The following NXN variants were observed in gnomAD, a reference collection of about 807,000 sequenced individuals.
NXN encodes nucleoredoxin 1.
A neutral mutation model predicts 48.6 loss-of-function variants in NXN; 16 were observed. The ratio of observed to expected loss-of-function variants is 0.33; its 90% confidence interval spans 0.22 to 0.50. The LOEUF (loss-of-function observed/expected upper bound fraction) is 0.50. Among genes scored for constraint, NXN ranks in the 20% least tolerant of loss-of-function variants. The pLI, the probability that NXN is intolerant of heterozygous loss-of-function variation, is 0.98. For synonymous variants in NXN, 281 were observed against 269.6 expected, an observed-to-expected ratio of 1.04 and a Z score of -0.41; for missense variants, 492 against 605.5, an observed-to-expected ratio of 0.81 and a Z score of 1.97.
chr17:875,421 A>C (rs1344992257), intron 1 of NXN, among the ~76,000 whole-genome samples: 1 of 152,176 alleles, frequency 6.6e-6, no homozygotes, highest in Admixed American at 6.6e-5. Context: ...ACTCATAGAG[A>C]TAAGCCACTC....
Position 828,971 on chromosome 17 carries a change from T to C in NXN, c.361-2893A>G, listed in dbSNP as rs371813712. ...AACAGCAAAACCACACAAATTGGGA[T>C]TGAAAATTACCCATGACTCACCGCT... On this transcript the variant is annotated intron_variant, in intron 1 of 7. Transcript: ENST00000336868. Among the ~76,000 whole-genome samples the C allele has an allele frequency of 1.2e-4, 19 of 152,182 alleles. No individual in the cohort carries two copies. The East Asian group carries it at 2.9e-3, about 23-fold the overall frequency.
intron 7 of NXN, among the ~76,000 whole-genome samples, chr17:801,443 C>CTTTTTTTTTTTTTTTTTT (rs71371579): frequency 1.9e-5 from 2 of 104,316 alleles, no homozygotes; most frequent in African/African-American, 3.5e-5. Context: ...ATGTCACATT[C>CTTTTTTTTTTTTTTTTTT]TTTTTTTTTT....
chr17:879,203 G>A (rs2068255199), intron 1 of NXN, among the ~76,000 whole-genome samples: 1 of 151,972 alleles, frequency 6.6e-6, no homozygotes. Context: ...GAAGGAGAAG[G>A]AGAGAACAAA....
At chr17:880,269 G>A (rs2068269235) in intron 1 of NXN, among the ~76,000 whole-genome samples, 2 of 152,000 alleles carry the variant, frequency 1.3e-5, no homozygotes, top group Admixed American at 6.5e-5. Context: ...CGGGGGCGGA[G>A]GAGTGAGGGA....
intron 1 of NXN, among the ~76,000 whole-genome samples, chr17:911,426 G>A (rs1266202114): frequency 7.0e-6 from 1 of 142,102 alleles, no homozygotes; most frequent in Non-Finnish European, 1.5e-5. Context: ...TGCAAGCTCC[G>A]CCTCCCAGGT....
intron 1 of NXN, among the ~76,000 whole-genome samples, chr17:977,905 G>A (rs923358378): frequency 2.0e-5 from 3 of 152,214 alleles, no homozygotes; most frequent in African/African-American, 7.2e-5. Context: ...CAGTAAAAAT[G>A]CCAACTCTTG....
chr17:825,790 A>G lies in NXN; in HGVS notation c.478+171T>C, dbSNP rs372662436. 114 of 587,392 alleles carry G rather than the reference A, an allele frequency of 1.9e-4. No individual in the cohort carries two copies. The highest frequency in any genetic ancestry group is 1.4e-3 in the Middle Eastern group (3 of 2,142). The allele number at this position is 587,392 out of a possible 1,614,324, so 36.4% of individuals were successfully genotyped here. A position where few individuals can be genotyped will look rare whatever the true frequency, so the allele number is the denominator to read the frequency against. ...TGATCCCTGTGAAAATCTTAAAACC[A>G]TGTCCTAGGGAATACTATGATTTCA... On this transcript the variant is annotated intron_variant, in intron 2 of 7. Transcript: ENST00000336868. The surrounding 1 kb of genome is among the most constrained non-coding windows in gnomAD (Gnocchi z 4.1).
At chr17:815,504 G>A (rs971897095) in intron 5 of NXN, among the ~76,000 whole-genome samples, 8 of 140,278 alleles carry the variant, frequency 5.7e-5, no homozygotes, top group African/African-American at 2.1e-4. Flanking sequence ...CGTATGATGA[G>A]GGCGAGTGTC....
At position 800,883 on chromosome 17, in the gene NXN, G is replaced by A. The variant is rs766391743; in HGVS notation, c.*66C>T. On this transcript the variant is annotated 3_prime_UTR_variant, in exon 8 of 8. Transcript: ENST00000336868. ...GGGCACGCTGGGTAAGTCCAAGGGCGGAAGGAAGGAGGGGGAGGAGGAGAA... is the reference window on the plus strand; with the variant it reads ...GGGCACGCTGGGTAAGTCCAAGGGCAGAAGGAAGGAGGGGGAGGAGGAGAA... The A allele has an allele frequency of 5.0e-5, 60 of 1,196,034 alleles. No homozygotes were observed. Among genetic ancestry groups the A allele is most frequent in the Admixed American group, 3.3e-4 (11 of 32,896 alleles). The allele number at this position is 1,196,034 out of a possible 1,614,324, so 74.1% of individuals were successfully genotyped here.
At chr17:853,716 TATA>T (rs1316067484) in intron 1 of NXN, among the ~76,000 whole-genome samples, 25 of 94,336 alleles carry the variant, frequency 2.7e-4, no homozygotes, top group Non-Finnish European at 4.2e-4. Flanking sequence ...TATATATATA[TATA>T]TATATTTTTT....
intron 1 of NXN, among the ~76,000 whole-genome samples, chr17:870,105 G>A (rs9903209): frequency 0.26 from 39,006 of 151,846 alleles, 5,306 homozygotes; most frequent in Middle Eastern, 0.42. Flanking sequence ...TCTACCAGGC[G>A]CAGGACAGCT....
Position 956,574 on chromosome 17 carries a change from C to T in NXN, c.360+22745G>A, listed in dbSNP as rs367567042. ...GACTACAGGCGCCCGCCACCACGTC[C>T]GGCTAATTTTTTGTATTTTTAGTAG... is the stretch of plus-strand genomic sequence containing the variant. On this transcript the variant is annotated intron_variant, in intron 1 of 7. Transcript: ENST00000336868. This position sits in a 1 kb window ranked among gnomAD's most constrained non-coding sequence, Gnocchi z 4.1. Among the ~76,000 whole-genome samples the T allele has an allele frequency of 1.8e-4, 27 of 152,152 alleles. No homozygotes were observed. The highest frequency in any genetic ancestry group is 9.6e-4 in the East Asian group (5 of 5,182).
chr17:867,887 C>G (rs981258447), intron 1 of NXN, among the ~76,000 whole-genome samples: 1 of 150,746 alleles, frequency 6.6e-6, no homozygotes, highest in African/African-American at 2.4e-5. Flanking sequence ...CAGAATGAGA[C>G]TCCAACTCAA....
chr17:864,234 A>G (rs1273850290), intron 1 of NXN: 1 of 1,187,236 alleles, frequency 8.4e-7, no homozygotes, highest in East Asian at 3.1e-5. Flanking sequence ...ACTTGTCTTC[A>G]ACTTTTCTGT....
chr17:936,738 A>T (rs1336320475), intron 1 of NXN, among the ~76,000 whole-genome samples: 1 of 149,192 alleles, frequency 6.7e-6, no homozygotes, highest in Non-Finnish European at 1.5e-5. Flanking sequence ...TTTATAACGG[A>T]TTTCTTTTCT....
At chr17:897,973 T>G (rs2068505591) in intron 1 of NXN, among the ~76,000 whole-genome samples, 1 of 152,198 alleles carries the variant, frequency 6.6e-6, no homozygotes, top group African/African-American at 2.4e-5. Flanking sequence ...GAACCCCTGC[T>G]GCTGGCCAGT....
At chr17:971,932 G>A (rs775157776) in intron 1 of NXN, among the ~76,000 whole-genome samples, 2 of 152,100 alleles carry the variant, frequency 1.3e-5, no homozygotes, top group Non-Finnish European at 2.9e-5. Flanking sequence ...TTTGGAAGCC[G>A]AGGCGGGTGG....
chr17:896,456 G>A (rs1308786045), intron 1 of NXN, among the ~76,000 whole-genome samples: 1 of 152,074 alleles, frequency 6.6e-6, no homozygotes, highest in Non-Finnish European at 1.5e-5. Flanking sequence ...ACAGTGAGCT[G>A]TGATCGTGCC....
chr17:860,718 C>T (rs1056134871), intron 1 of NXN, among the ~76,000 whole-genome samples: 1 of 152,236 alleles, frequency 6.6e-6, no homozygotes, highest in Admixed American at 6.5e-5. Context: ...TTTTGAACCT[C>T]GTAAACATTT....
Sources: allele counts gnomAD v4.1 joint callset (sites outside exome capture counted in the v4.1 genomes callset), GRCh38; gene constraint gnomAD v4.1.1; non-coding constraint Gnocchi (gnomAD v3.1); transcripts MANE v1.5; gene names NCBI Gene and HGNC (gene_info 2026-07-23, HGNC 2026-07-21).